The following MAP3K4 variants were observed in gnomAD, a reference collection of about 807,000 sequenced individuals.
MAP3K4 encodes the protein MAP three kinase 1.
In MAP3K4, 67 loss-of-function variants were observed where a neutral mutation model predicts 185.6. That is an observed-to-expected ratio of 0.36 (90% CI 0.30 to 0.44). MAP3K4 has a LOEUF of 0.44. MAP3K4 is among the 20% of genes least tolerant of loss of function. MAP3K4 has a pLI of 1.00. For synonymous variants in MAP3K4, 702 were observed against 710.4 expected (o/e 0.99, Z 0.19); for missense variants, 1,551 against 1,995.1 (o/e 0.78, Z 4.24).
chr6:161,048,995 A>G lies in MAP3K4; in HGVS notation c.723A>G (p.Lys241=). ...TAAAGCTTACCTCAGTCTCAAAGAA[A>G]AAAGACAGGGAGCAAAGAGGACAAG... ...LLLKLTSVSK[K]KDREQRGQEN... The change falls in exon 3 of 27, where the codon AAA becomes AAG. Residue 241 remains lysine, a synonymous_variant. Transcript: ENST00000392142. The surrounding 1 kb of genome is among the most constrained non-coding windows in gnomAD (Gnocchi z 4.7). The G allele has an allele frequency of 1.9e-6, 3 of 1,614,118 alleles. No homozygotes were observed. The highest frequency in any genetic ancestry group is 2.5e-6 in the Non-Finnish European group (3 of 1,179,984).
chr6:161,105,192 C>T (rs956272120), intron 19 of MAP3K4, among the ~76,000 whole-genome samples: 5 of 152,090 alleles, frequency 3.3e-5, no homozygotes, highest in Admixed American at 1.3e-4. Context: ...GCTCACAGAA[C>T]TGTTAAATGT....
At position 161,049,440 on chromosome 6, in the gene MAP3K4, G is replaced by A; in HGVS notation, c.1168G>A (p.Val390Met). The part of the protein sequence containing the change: ...KYAAKDFQDR[V>M]QALCLWLNIT... ...TGCTGCAAAAGACTTCCAGGACAGG[G>A]TGCAGGCACTCTGTTTGTGGTTAAA... The change falls in exon 3 of 27, where the codon GTG becomes ATG. Residue 390 changes from valine (V) to methionine (M), a missense_variant. By Grantham distance (21) the Val-to-Met change is conservative (BLOSUM62 1). Around this residue, in one of 16 missense-constraint regions of MAP3K4, gnomAD observed 93 missense variants for 96.7 expected, o/e 0.96. Coordinates refer to ENST00000392142, the MANE Select transcript of MAP3K4 (RefSeq NM_005922.4). This position sits in a 1 kb window ranked among gnomAD's most constrained non-coding sequence, Gnocchi z 8.4. 3.1e-6 allele frequency: 5 copies of A among 1,614,130 alleles called. No individual in the cohort carries two copies. The highest frequency in any genetic ancestry group is 1.3e-5 in the African/African-American group (1 of 75,040).
chr6:161,096,398 A>G lies in MAP3K4; in HGVS notation c.3428-682A>G, dbSNP rs1157856320. On this transcript the variant is annotated intron_variant, in intron 15 of 26. Coordinates refer to ENST00000392142, the MANE Select transcript of MAP3K4 (RefSeq NM_005922.4). This position sits in a 1 kb window ranked among gnomAD's most constrained non-coding sequence, Gnocchi z 4.9. ...AAGAAGAGAAAAGCATGTTACGGAG[A>G]GTAGGCAAAATATGACGCATGTCCA... Among the ~76,000 whole-genome samples the G allele has an allele frequency of 6.6e-6, 1 of 152,218 alleles. No individual in the cohort carries two copies. Among genetic ancestry groups the G allele is most frequent in the Non-Finnish European group, 1.5e-5 (1 of 68,036 alleles).
rs1232798104 is a variant in MAP3K4 at position 161,116,633 on chromosome 6, A to C, written c.4807-217A>C. 2.0e-5 allele frequency among the ~76,000 whole-genome samples: 3 copies of C among 152,200 alleles called. No homozygotes were observed. Among genetic ancestry groups the C allele is most frequent in the African/African-American group, 4.8e-5 (2 of 41,444 alleles). On this transcript the variant is annotated intron_variant, in intron 26 of 26. Coordinates refer to ENST00000392142, the MANE Select transcript of MAP3K4 (RefSeq NM_005922.4). This position sits in a 1 kb window ranked among gnomAD's most constrained non-coding sequence, Gnocchi z 6.2. ...AGAGTGCATATAGGCGTTTTAGAAAATGCTTTCATTAGTCAGTTCCCAGGC... is the reference window on the plus strand; with the variant it reads ...AGAGTGCATATAGGCGTTTTAGAAACTGCTTTCATTAGTCAGTTCCCAGGC...
intron 1 of MAP3K4, among the ~76,000 whole-genome samples, chr6:161,012,576 G>A (rs1013928163): frequency 2.0e-5 from 3 of 152,164 alleles, no homozygotes; most frequent in South Asian, 2.1e-4. Context: ...TTATTACAAC[G>A]AACTTATAAA....
intron 1 of MAP3K4, among the ~76,000 whole-genome samples, chr6:161,024,963 C>A (rs866161866): frequency 3.3e-5 from 5 of 152,110 alleles, no homozygotes; most frequent in Admixed American, 6.5e-5. Context: ...GACTGTCTGC[C>A]TATCTGTCCA....
chr6:161,018,494 C>G (rs747896898), intron 1 of MAP3K4, among the ~76,000 whole-genome samples: 1 of 152,050 alleles, frequency 6.6e-6, no homozygotes, highest in Non-Finnish European at 1.5e-5. Context: ...TAGGCTGTTT[C>G]TAGAGGAAAA....
intron 7 of MAP3K4, among the ~76,000 whole-genome samples, chr6:161,085,970 T>G (rs1043928485): frequency 2.6e-5 from 4 of 152,198 alleles, no homozygotes; most frequent in Admixed American, 2.6e-4. Context: ...GAAATCGGCA[T>G]GCATTACATA....
intron 18 of MAP3K4, 46 bp downstream of exon 18, chr6:161,102,038 T>G (rs1437223132): frequency 6.8e-7 from 1 of 1,464,070 alleles, no homozygotes; most frequent in Middle Eastern, 1.7e-4. Context: ...AGTCTAATCA[T>G]TTGTCTCAGT....
chr6:161,004,119 C>T (rs1034951093), intron 1 of MAP3K4, among the ~76,000 whole-genome samples: 2 of 151,920 alleles, frequency 1.3e-5, no homozygotes, highest in African/African-American at 4.8e-5. Flanking sequence ...TCCTGAACAT[C>T]TATCTGTGCT....
intron 1 of MAP3K4, among the ~76,000 whole-genome samples, chr6:161,015,507 T>C (rs999880395): frequency 5.7e-4 from 86 of 152,116 alleles, no homozygotes; most frequent in African/African-American, 1.7e-3. Context: ...AACAGAAGAA[T>C]ACTCGAGGCT....
At chr6:161,099,524 C>T (rs952123696) in intron 17 of MAP3K4, among the ~76,000 whole-genome samples, 4 of 152,202 alleles carry the variant, frequency 2.6e-5, no homozygotes, top group African/African-American at 7.2e-5. Flanking sequence ...CTAGTTTTTA[C>T]GTTTAGAGCT....
Position 161,048,599 on chromosome 6 carries a change from A to ATTT in MAP3K4, c.344-8_344-6dup. ...TTTAGAGTTATATAATGTTCTGTTT[A>ATTT]TTTTTTTTTTTAATAGAAAAAATGA... On this transcript the variant is annotated splice_polypyrimidine_tract_variant and intron_variant, in intron 2 of 26. Coordinates refer to ENST00000392142, the MANE Select transcript of MAP3K4 (RefSeq NM_005922.4). This position sits in a 1 kb window ranked among gnomAD's most constrained non-coding sequence, Gnocchi z 4.7. 1 of 1,183,478 alleles carries ATTT rather than the reference A, an allele frequency of 8.4e-7. No homozygotes were observed. Among genetic ancestry groups the ATTT allele is most frequent in the Non-Finnish European group, 1.2e-6 (1 of 867,862 alleles). The allele number at this position is 1,183,478 out of a possible 1,614,324, so 73.3% of individuals were successfully genotyped here.
At chr6:161,018,023 A>G (rs1321851321) in intron 1 of MAP3K4, among the ~76,000 whole-genome samples, 1 of 152,248 alleles carries the variant, frequency 6.6e-6, no homozygotes, top group Non-Finnish European at 1.5e-5. Context: ...AGCAGGCTGT[A>G]CATGATAGTA....
rs538933617 is a variant in MAP3K4, at chr6:161,026,154, G to A, written c.153-8105G>A. 1.6e-3 allele frequency among the ~76,000 whole-genome samples: 244 copies of A among 151,428 alleles called. 1 individual carries two copies. The highest frequency in any genetic ancestry group is 5.5e-3 in the African/African-American group (226 of 41,316). On this transcript the variant is annotated intron_variant, in intron 1 of 26. Transcript: ENST00000392142. ...AAGGCTTTGCTTTTTTTTTTGAGAT[G>A]GAGTCTTGCTCTGTGGCCCAGGCTG...
Position 161,086,587 on chromosome 6 carries a change from C to T in MAP3K4, c.2476C>T (p.Leu826=). 1 of 1,613,626 alleles carries T rather than the reference C, an allele frequency of 6.2e-7. No homozygotes were observed. The highest frequency in any genetic ancestry group is 8.5e-7 in the Non-Finnish European group (1 of 1,179,798). The change falls in exon 9 of 27, where the codon CTG becomes TTG. Residue 826 remains leucine (L), a synonymous_variant. Transcript: ENST00000392142. This position sits in a 1 kb window ranked among gnomAD's most constrained non-coding sequence, Gnocchi z 4.8. ...LGFAKMLRKD[L]EIAAEFRLSA... is the part of the protein sequence containing the mutation. ...TTCTTTGTAACTGTGATCCTAGGAC[C>T]TGGAAATAGCAGCAGAATTCAGGCT...
rs1016187310 is a variant in MAP3K4, at chr6:161,077,706, G to A, written c.2098-3175G>A. ...CGTAGGCAGTGAAATGGCAGGACTC[G>A]GGTGGATCAAATGTGAACAAGGTGT... On this transcript the variant is annotated intron_variant, in intron 5 of 26. Transcript: ENST00000392142. This position sits in a 1 kb window ranked among gnomAD's most constrained non-coding sequence, Gnocchi z 4.3. Among the ~76,000 whole-genome samples, 3 of 152,298 alleles carry A rather than the reference G, an allele frequency of 2.0e-5. No individual in the cohort carries two copies. Among genetic ancestry groups the A allele is most frequent in the Non-Finnish European group, 4.4e-5 (3 of 68,032 alleles).
rs966665823 is a variant in MAP3K4, at chr6:161,034,399, A to G, written c.293A>G (p.Lys98Arg). ...TPRQMKRMST[K>R]HQRNNVGRPA... ...CGACAGATGAAACGCATGTCAACCA[A>G]ACATCAGAGGAATAATGTGGGGAGG... is the stretch of plus-strand genomic sequence containing the variant. Residue 98 changes from lysine to arginine, a missense_variant, in exon 2 of 27, where the codon AAA becomes AGA. Coordinates refer to ENST00000392142, the MANE Select transcript of MAP3K4 (RefSeq NM_005922.4). The surrounding 1 kb of genome is among the most constrained non-coding windows in gnomAD (Gnocchi z 4.4). The G allele has an allele frequency of 9.9e-6, 16 of 1,613,982 alleles. No individual in the cohort carries two copies. Among genetic ancestry groups the G allele is most frequent in the Non-Finnish European group, 1.3e-5 (15 of 1,179,890 alleles).
chr6:161,058,644 C>T (rs1015387532), intron 3 of MAP3K4, among the ~76,000 whole-genome samples: 1 of 151,968 alleles, frequency 6.6e-6, no homozygotes, highest in African/African-American at 2.4e-5. Context: ...TAAATTATGT[C>T]TTTGTTATGT....
Sources: allele counts gnomAD v4.1 joint callset (sites outside exome capture counted in the v4.1 genomes callset), GRCh38; gene constraint gnomAD v4.1.1; regional missense constraint gnomAD v4.1.1; non-coding constraint Gnocchi (gnomAD v3.1); transcripts MANE v1.5; gene names NCBI Gene and HGNC (gene_info 2026-07-23, HGNC 2026-07-21).